GNAI1: variants seen among roughly 807,000 people sequenced by gnomAD.
The protein encoded by GNAI1 is G protein subunit alpha i1.
Under a neutral mutation model 38.9 loss-of-function variants are expected in GNAI1, and 11 were observed. The observed-to-expected ratio is 0.28, with a 90% CI of 0.18 to 0.47. GNAI1 has a LOEUF of 0.47. GNAI1 is among the 20% of genes least tolerant of loss of function. The probability of loss-of-function intolerance (pLI) is 0.99; values close to 1 mark genes in which losing one functional copy is unlikely to be tolerated. For synonymous variants in GNAI1, 166 were observed against 145.1 expected (o/e 1.14, Z -1.04); for missense variants, 317 against 436.9 (o/e 0.73, Z 2.45).
intron 4 of GNAI1, 56 bp from the exon 5 acceptor site, chr7:80,203,648 T>G: frequency 9.0e-7 from 1 of 1,113,090 alleles, no homozygotes; most frequent in South Asian, 1.4e-5. Flanking sequence ...TTGTTTTGGA[T>G]GATCTTTATT....
At chr7:80,137,035 G>A (rs2714458) in intron 1 of GNAI1, among the ~76,000 whole-genome samples, 110,614 of 151,932 alleles carry the variant, frequency 0.73, 42,029 homozygotes, top group Non-Finnish European at 0.84. Context: ...TTTGGCCTCC[G>A]CTCATTGGAT....
intron 1 of GNAI1, among the ~76,000 whole-genome samples, chr7:80,169,144 G>T (rs1304243619): frequency 6.6e-6 from 1 of 152,112 alleles, no homozygotes; most frequent in African/African-American, 2.4e-5. Context: ...AAAATAGGGG[G>T]TAAGAACTGT....
At chr7:80,166,777 T>TA (rs1788016413) in intron 1 of GNAI1, among the ~76,000 whole-genome samples, 3 of 152,226 alleles carry the variant, frequency 2.0e-5, no homozygotes, top group Non-Finnish European at 4.4e-5. Context: ...GATGAAATGT[T>TA]ACAAATGAAT....
intron 1 of GNAI1, among the ~76,000 whole-genome samples, chr7:80,138,382 C>T (rs1787463142): frequency 6.6e-6 from 1 of 152,124 alleles, no homozygotes; most frequent in African/African-American, 2.4e-5. Context: ...TAATCATTGA[C>T]ACTAAGGAAA....
intron 3 of GNAI1, among the ~76,000 whole-genome samples, chr7:80,192,820 G>A (rs1046548058): frequency 4.0e-5 from 6 of 151,616 alleles, no homozygotes; most frequent in Non-Finnish European, 7.4e-5. Context: ...TCAGCCTCCC[G>A]AGTAGCTAGG....
chr7:80,198,866 G>A (rs993862154), intron 3 of GNAI1, among the ~76,000 whole-genome samples: 1 of 152,142 alleles, frequency 6.6e-6, no homozygotes, highest in Non-Finnish European at 1.5e-5. Flanking sequence ...AGAGGAAGAA[G>A]ACATAGGTTC....
In GNAI1 at chr7:80,136,761, A is replaced by G. The variant is rs376747797; in HGVS notation, c.118+1483A>G. ...CTCTCCTGGTGTGATACGTTGTTTC[A>G]GTGTATTTCTGTGTGACTCTTAGTT... On this transcript the variant is annotated intron_variant, in intron 1 of 7. Transcript: ENST00000649796. Among the ~76,000 whole-genome samples the G allele has an allele frequency of 2.6e-5, 4 of 152,138 alleles. No homozygotes were observed. In the East Asian group the frequency reaches 7.7e-4, roughly 29 times the overall value.
rs1337116470 is a variant in GNAI1 at position 80,202,847 on chromosome 7, A to G, written c.462-857A>G. Among the ~76,000 whole-genome samples, 3 of 152,290 alleles carry G rather than the reference A, an allele frequency of 2.0e-5. No individual in the cohort carries two copies. The East Asian group carries it at 5.8e-4, about 29-fold the overall frequency. ...GTGGCTTTACTTTCCAAGAAAGACC[A>G]TGCAACTGTTCCCATCTCCATACTG... On this transcript the variant is annotated intron_variant, in intron 4 of 7. Transcript: ENST00000649796.
At chr7:80,182,636 C>T (rs183643544) in intron 1 of GNAI1, among the ~76,000 whole-genome samples, 205 of 152,224 alleles carry the variant, frequency 1.3e-3, no homozygotes, top group Admixed American at 2.6e-3. Context: ...AACAAAATCT[C>T]CCAACCCAGG....
chr7:80,208,514 G>A (rs1788817086), intron 5 of GNAI1, among the ~76,000 whole-genome samples: 1 of 152,012 alleles, frequency 6.6e-6, no homozygotes, highest in Admixed American at 6.6e-5. Flanking sequence ...AATTGACTTG[G>A]GGATTAATTG....
intron 1 of GNAI1, among the ~76,000 whole-genome samples, chr7:80,174,160 A>G (rs545960153): frequency 1.3e-5 from 2 of 152,352 alleles, no homozygotes; most frequent in South Asian, 2.1e-4. Flanking sequence ...AACTTAAATC[A>G]TAGAGATACC....
At position 80,184,688 on chromosome 7, in the gene GNAI1, T is replaced by C. The variant is rs113907031; in HGVS notation, c.119-4263T>C. Among the ~76,000 whole-genome samples the C allele has an allele frequency of 9.4e-3, 1,439 of 152,298 alleles. 18 individuals carry two copies. Among genetic ancestry groups the C allele is most frequent in the African/African-American group, 0.033 (1,384 of 41,568 alleles). ...TTTCACTGGCTGTGACCAATTACTA[T>C]TTTAGAGAAACATTTAACAACCTCC... is the stretch of plus-strand genomic sequence containing the variant. On this transcript the variant is annotated intron_variant, in intron 1 of 7. Transcript: ENST00000649796.
chr7:80,202,676 C>T (rs1441561956), intron 4 of GNAI1, among the ~76,000 whole-genome samples: 1 of 152,186 alleles, frequency 6.6e-6, no homozygotes, highest in Non-Finnish European at 1.5e-5. Flanking sequence ...CATACATACA[C>T]TTGACTGTCT....
At position 80,199,233 on chromosome 7, in the gene GNAI1, A is replaced by G. The variant is rs112721650; in HGVS notation, c.312A>G (p.Ala104=). The G allele has an allele frequency of 1.2e-6, 2 of 1,608,756 alleles. No homozygotes were observed. The highest frequency in any genetic ancestry group is 1.3e-5 in the African/African-American group (1 of 74,922). The change falls in exon 4 of 8, where the codon GCA becomes GCG. Residue 104 remains alanine (A), a synonymous_variant. Coordinates refer to ENST00000649796, the MANE Select transcript of GNAI1 (RefSeq NM_002069.6). ...GTCCTTTGAATGTTCAGGATGATGC[A>G]CGCCAACTCTTTGTGCTAGCTGGAG... ...DFGDSARADD[A]RQLFVLAGAA...
intron 1 of GNAI1, among the ~76,000 whole-genome samples, chr7:80,141,625 A>G (rs1292049745): frequency 1.3e-5 from 2 of 152,138 alleles, no homozygotes; most frequent in African/African-American, 4.8e-5. Context: ...TAGCACCTGT[A>G]TGCTGCTGAT....
chr7:80,135,124 G>C lies in GNAI1; in HGVS notation c.-37G>C, dbSNP rs2116051902. 1.4e-6 allele frequency: 2 copies of C among 1,392,512 alleles called. No individual in the cohort carries two copies. The highest frequency in any genetic ancestry group is 2.7e-5 in the East Asian group (1 of 36,806). 86.3% of individuals were successfully genotyped at this position (1,392,512 alleles called of 1,614,324 possible). ...CTGTGCTTGGAGCCCGCACTCGGGC[G>C]CGGAGGGAGCGGCGGCAGGCTCTCG... On this transcript the variant is annotated 5_prime_UTR_variant, in exon 1 of 8. Transcript: ENST00000649796.
rs751439001 is a variant in GNAI1 at position 80,135,147 on chromosome 7, T to G, written c.-14T>G. On this transcript the variant is annotated 5_prime_UTR_variant, in exon 1 of 8. Transcript: ENST00000649796. ...GCGCGGAGGGAGCGGCGGCAGGCTC[T>G]CGCTTTCGGCACCATGGGCTGCACG... 1 of 1,485,430 alleles carries G rather than the reference T, an allele frequency of 6.7e-7. No homozygotes were observed. Among genetic ancestry groups the G allele is most frequent in the Non-Finnish European group, 9.0e-7 (1 of 1,113,444 alleles). 92.0% of individuals were successfully genotyped at this position (1,485,430 alleles called of 1,614,324 possible).
At chr7:80,206,260 A>G (rs1257304665) in intron 5 of GNAI1, among the ~76,000 whole-genome samples, 1 of 152,080 alleles carries the variant, frequency 6.6e-6, no homozygotes, top group African/African-American at 2.4e-5. Context: ...TTAAACAAAG[A>G]TATAGGTAAT....
At chr7:80,196,266 A>G (rs2115657827) in intron 3 of GNAI1, among the ~76,000 whole-genome samples, 1 of 152,126 alleles carries the variant, frequency 6.6e-6, no homozygotes, top group Non-Finnish European at 1.5e-5. Context: ...TAGCTTTGCT[A>G]CATGCAAGGA....
Sources: gnomAD v4.1 joint callset for allele counts (sites outside exome capture counted in the v4.1 genomes callset) on GRCh38, gnomAD v4.1.1 for gene constraint, MANE v1.5 for transcripts, NCBI Gene and HGNC (gene_info 2026-07-23, HGNC 2026-07-21) for gene names.